Variants in SAMTOR observed in about 807,000 individuals in gnomAD.
The protein encoded by SAMTOR is S-adenosylmethionine sensor upstream of mTORC1.
chr7:112,937,239 T>C, the SAMTOR span, among the ~76,000 whole-genome samples: 4 of 152,212 alleles, frequency 2.6e-5, no homozygotes, highest in Non-Finnish European at 5.9e-5. Flanking sequence ...AGGTTCCTTC[T>C]AGTCTAAAAC....
At chr7:112,922,309 C>A in the SAMTOR span, among the ~76,000 whole-genome samples, 1 of 152,166 alleles carries the variant, frequency 6.6e-6, no homozygotes, top group Non-Finnish European at 1.5e-5. Flanking sequence ...CTTGCTACAA[C>A]CTCCACCTCC....
the SAMTOR span, among the ~76,000 whole-genome samples, chr7:112,822,802 T>C: frequency 6.6e-6 from 1 of 152,034 alleles, no homozygotes; most frequent in African/African-American, 2.4e-5. Context: ...AAGAGGATAA[T>C]GAAAGAGGCA....
the SAMTOR span, among the ~76,000 whole-genome samples, chr7:112,912,487 C>A: frequency 6.6e-6 from 1 of 151,922 alleles, no homozygotes; most frequent in Non-Finnish European, 1.5e-5. Flanking sequence ...TTTGTCCAAC[C>A]CTTTTTAAAG....
chr7:112,910,315 A>G, the SAMTOR span, among the ~76,000 whole-genome samples: 1 of 152,198 alleles, frequency 6.6e-6, no homozygotes, highest in African/African-American at 2.4e-5. Flanking sequence ...ACAGAATTAC[A>G]TATTTTTTAA....
chr7:112,938,815 A>G, the SAMTOR span, among the ~76,000 whole-genome samples: 1 of 152,240 alleles, frequency 6.6e-6, no homozygotes, highest in Non-Finnish European at 1.5e-5. Flanking sequence ...TTCTTCCCCT[A>G]TGAGCTTCCA....
chr7:112,919,203 G>A, the SAMTOR span, among the ~76,000 whole-genome samples: 1 of 152,060 alleles, frequency 6.6e-6, no homozygotes, highest in Non-Finnish European at 1.5e-5. Context: ...TGGAAGTAAA[G>A]CTCTCCTCAG....
the SAMTOR span, among the ~76,000 whole-genome samples, chr7:112,932,415 C>G: frequency 6.6e-6 from 1 of 152,066 alleles, no homozygotes; most frequent in African/African-American, 2.4e-5. Flanking sequence ...CTAATATACT[C>G]AATTTAAGAA....
At chr7:112,901,990 C>A in the SAMTOR span, among the ~76,000 whole-genome samples, 1 of 152,106 alleles carries the variant, frequency 6.6e-6, no homozygotes, top group Admixed American at 6.5e-5. Flanking sequence ...TAAAAAGACA[C>A]AGAAGAACCT....
chr7:112,862,924 A>C, the SAMTOR span, among the ~76,000 whole-genome samples: 1 of 90,842 alleles, frequency 1.1e-5, no homozygotes, highest in African/African-American at 3.1e-5. Flanking sequence ...GTGAGACTCC[A>C]AAAAAAAAAA....
At chr7:112,838,566 C>A in the SAMTOR span, among the ~76,000 whole-genome samples, 1 of 151,670 alleles carries the variant, frequency 6.6e-6, no homozygotes, top group Non-Finnish European at 1.5e-5. Flanking sequence ...CTGAGTATAC[C>A]GTTCATTGTA....
chr7:112,868,284 G>C, the SAMTOR span, among the ~76,000 whole-genome samples: 5 of 152,198 alleles, frequency 3.3e-5, no homozygotes, highest in Non-Finnish European at 7.3e-5. Context: ...CAAAAATAGT[G>C]CGTAAAGATC....
At chr7:112,903,177 G>C in the SAMTOR span, among the ~76,000 whole-genome samples, 1 of 152,138 alleles carries the variant, frequency 6.6e-6, no homozygotes, top group Non-Finnish European at 1.5e-5. Flanking sequence ...GCTGGGTGTA[G>C]TGGCAGGTGC....
the SAMTOR span, among the ~76,000 whole-genome samples, chr7:112,880,978 G>C: frequency 3.3e-5 from 5 of 152,100 alleles, no homozygotes; most frequent in Admixed American, 6.5e-5. Flanking sequence ...CAAGTTGGAA[G>C]GGAAAGAGCC....
the SAMTOR span, among the ~76,000 whole-genome samples, chr7:112,907,577 T>C: frequency 6.6e-6 from 1 of 150,728 alleles, no homozygotes; most frequent in Admixed American, 6.6e-5. Context: ...TTATAAATGA[T>C]ATAAAGAGCT....
chr7:112,872,368 C>T, the SAMTOR span, among the ~76,000 whole-genome samples: 1 of 151,966 alleles, frequency 6.6e-6, no homozygotes, highest in African/African-American at 2.4e-5. Context: ...GAATTAAAAA[C>T]CATATGATCA....
chr7:112,935,278 A>AG, the SAMTOR span: 4 of 424,734 alleles, frequency 9.4e-6, no homozygotes, highest in Non-Finnish European at 1.8e-5. Flanking sequence ...AGGAAAAAAA[A>AG]TAAGAAAAGT....
chr7:112,852,484 G>A, the SAMTOR span, among the ~76,000 whole-genome samples: 2 of 152,014 alleles, frequency 1.3e-5, no homozygotes, highest in African/African-American at 2.4e-5. Context: ...TGGGAGGGGA[G>A]TGGGGGATGG....
chr7:112,865,279 C>A, the SAMTOR span, among the ~76,000 whole-genome samples: 2 of 151,654 alleles, frequency 1.3e-5, no homozygotes, highest in Non-Finnish European at 2.9e-5. Flanking sequence ...CAAGACCCCC[C>A]ATCTCTCTCT....
the SAMTOR span, chr7:112,820,805 A>C: frequency 6.6e-6 from 1 of 152,048 alleles, no homozygotes; most frequent in Non-Finnish European, 1.5e-5. Context: ...ATATAATTTG[A>C]AACTTGTAGT....
Sources: gnomAD v4.1 joint callset for allele counts (sites outside exome capture counted in the v4.1 genomes callset) on GRCh38, gnomAD v4.1.1 for gene constraint, MANE v1.5 for transcripts, NCBI Gene and HGNC (gene_info 2026-07-23, HGNC 2026-07-21) for gene names.